PHYHIPL: variants seen among roughly 807,000 people sequenced by gnomAD.
PHYHIPL encodes the protein phytanoyl-CoA 2-hydroxylase interacting protein like, also known as phytanoyl-CoA hydroxylase-interacting protein-like.
Under a neutral mutation model 33.4 loss-of-function variants are expected in PHYHIPL, and 9 were observed. That is an observed-to-expected ratio of 0.27 (90% CI 0.16 to 0.47). PHYHIPL has a LOEUF of 0.47. Ranked by LOEUF, PHYHIPL falls within the 20% of genes least tolerant of loss-of-function variation. The pLI is 0.99. For synonymous variants in PHYHIPL, 153 were observed against 154.1 expected (o/e 0.99, Z 0.05); for missense variants, 365 against 460.7 (o/e 0.79, Z 1.90).
At chr10:59,243,541 T>A (rs1224451031) in intron 4 of PHYHIPL, among the ~76,000 whole-genome samples, 1 of 152,190 alleles carries the variant, frequency 6.6e-6, no homozygotes, top group Non-Finnish European at 1.5e-5. Context: ...GACAATTTTT[T>A]GGTCTTTCCT....
intron 1 of PHYHIPL, among the ~76,000 whole-genome samples, chr10:59,179,302 A>G (rs7089805): frequency 0.25 from 38,265 of 152,008 alleles, 6,966 homozygotes; most frequent in African/African-American, 0.51. Context: ...CTTTCTTTCC[A>G]CTCAAGTCTC....
At chr10:59,185,801 T>C (rs1838579268) in intron 1 of PHYHIPL, among the ~76,000 whole-genome samples, 1 of 152,230 alleles carries the variant, frequency 6.6e-6, no homozygotes, top group Non-Finnish European at 1.5e-5. Context: ...TGCCCACTTT[T>C]TGATGGGGTT....
chr10:59,175,802 T>C (rs1838237717), upstream of PHYHIPL, among the ~76,000 whole-genome samples: 1 of 152,224 alleles, frequency 6.6e-6, no homozygotes, highest in South Asian at 2.1e-4. Flanking sequence ...GTGCTGTTTA[T>C]ACTCCCTTCA....
chr10:59,238,884 A>T (rs779397130), intron 4 of PHYHIPL, 179 bp downstream of exon 4: 1 of 506,076 alleles, frequency 2.0e-6, no homozygotes, highest in South Asian at 2.4e-5. Context: ...ATTTTTTTCT[A>T]TTTCACTTAG....
At position 59,234,597 on chromosome 10, in the gene PHYHIPL, T is replaced by C. The variant is rs541983433; in HGVS notation, c.303+97T>C. The stretch of plus-strand genomic sequence containing the variant: ...CGAATAATATTCTATTAATGGCTTA[T>C]GTGATGTATTTGACTTGGGAAAAAA... On this transcript the variant is annotated intron_variant, in intron 2 of 4. Coordinates refer to ENST00000373880, the MANE Select transcript of PHYHIPL (RefSeq NM_032439.4). 102 of 798,288 alleles carry C rather than the reference T, an allele frequency of 1.3e-4. 1 individual carries two copies. The highest frequency in any genetic ancestry group is 1.7e-4 in the Non-Finnish European group (92 of 545,096). The allele number at this position is 798,288 out of a possible 1,614,324, so 49.5% of individuals were successfully genotyped here.
At chr10:59,200,489 G>A (rs556921026) in intron 1 of PHYHIPL, among the ~76,000 whole-genome samples, 1 of 152,170 alleles carries the variant, frequency 6.6e-6, no homozygotes. Context: ...TTGCATCGAC[G>A]TTCATCAGGG....
chr10:59,220,334 C>A (rs142306723), intron 1 of PHYHIPL, among the ~76,000 whole-genome samples: 84 of 152,146 alleles, frequency 5.5e-4, no homozygotes, highest in African/African-American at 1.9e-3. Flanking sequence ...CTGAGTGACA[C>A]AGGTAAGCCT....
intron 1 of PHYHIPL, among the ~76,000 whole-genome samples, chr10:59,187,549 C>T (rs1039523344): frequency 1.3e-5 from 2 of 152,130 alleles, no homozygotes; most frequent in Admixed American, 6.5e-5. Flanking sequence ...GGTACCAGCT[C>T]CTGCTTGTAC....
rs963275938 is a variant in PHYHIPL, at chr10:59,247,410, A to G, written c.*1819A>G. On this transcript the variant is annotated 3_prime_UTR_variant, in exon 5 of 5. Transcript: ENST00000373880. ...GGACACTGAATTTTTTCCCAATTAT[A>G]TGGCTACCTGTTGTATTCTTCCCCC... is the stretch of plus-strand genomic sequence containing the variant. 1.2e-5 allele frequency: 7 copies of G among 564,678 alleles called. No individual in the cohort carries two copies. The highest frequency in any genetic ancestry group is 1.1e-4 in the Admixed American group (3 of 27,288). 35.0% of individuals were successfully genotyped at this position (564,678 alleles called of 1,614,324 possible). A position where few individuals can be genotyped will look rare whatever the true frequency, so the allele number is the denominator to read the frequency against.
At chr10:59,226,950 C>T (rs547743994) in intron 1 of PHYHIPL, among the ~76,000 whole-genome samples, 26 of 152,056 alleles carry the variant, frequency 1.7e-4, no homozygotes, top group South Asian at 1.5e-3. Context: ...TTAAATACTC[C>T]TAATAAAAGG....
At chr10:59,200,591 TC>T (rs1434769464) in intron 1 of PHYHIPL, among the ~76,000 whole-genome samples, 1 of 152,126 alleles carries the variant, frequency 6.6e-6, no homozygotes. Flanking sequence ...TAGGGAGGAT[TC>T]CCCCTTTTTC....
At chr10:59,218,529 A>G (rs1839677455) in intron 1 of PHYHIPL, among the ~76,000 whole-genome samples, 1 of 152,158 alleles carries the variant, frequency 6.6e-6, no homozygotes, top group South Asian at 2.1e-4. Flanking sequence ...ACATGTACTG[A>G]TAGAGTGCCA....
At chr10:59,204,066 G>T (rs777607263) in intron 1 of PHYHIPL, among the ~76,000 whole-genome samples, 6 of 152,164 alleles carry the variant, frequency 3.9e-5, no homozygotes, top group Non-Finnish European at 8.8e-5. Context: ...TCCATGGGAA[G>T]TCTTTATGTA....
chr10:59,214,410 C>A (rs1362124603), intron 1 of PHYHIPL, among the ~76,000 whole-genome samples: 1 of 151,978 alleles, frequency 6.6e-6, no homozygotes, highest in Non-Finnish European at 1.5e-5. Context: ...GATTTGAAAA[C>A]ACAGCAATTA....
intron 4 of PHYHIPL, 28 bp from the exon 5 acceptor site, chr10:59,245,029 A>C: frequency 6.3e-7 from 1 of 1,576,888 alleles, no homozygotes; most frequent in South Asian, 1.2e-5. Flanking sequence ...TATTGTATTA[A>C]GCAGTGACCA....
At chr10:59,176,982 G>A (rs1242242821) in intron 1 of PHYHIPL, 23 bp downstream of exon 1, 7 of 1,604,898 alleles carry the variant, frequency 4.4e-6, no homozygotes, top group South Asian at 1.1e-5. Context: ...GGGACCGCGA[G>A]GAAAGGGACA....
At chr10:59,230,072 G>T (rs2133277196) in intron 1 of PHYHIPL, among the ~76,000 whole-genome samples, 1 of 152,208 alleles carries the variant, frequency 6.6e-6, no homozygotes, top group African/African-American at 2.4e-5. Flanking sequence ...TTGAAGGTAG[G>T]TGTAAAATGG....
intron 1 of PHYHIPL, among the ~76,000 whole-genome samples, chr10:59,192,094 C>T (rs1838798747): frequency 6.6e-6 from 1 of 152,030 alleles, no homozygotes; most frequent in Non-Finnish European, 1.5e-5. Context: ...ACACATGAAA[C>T]AGAGTTACAC....
intron 1 of PHYHIPL, among the ~76,000 whole-genome samples, chr10:59,194,002 T>C (rs1838844354): frequency 6.6e-6 from 1 of 151,896 alleles, no homozygotes; most frequent in Admixed American, 6.6e-5. Context: ...ACGTTCCAAA[T>C]TCCAAATACA....
Sources: allele counts gnomAD v4.1 joint callset (sites outside exome capture counted in the v4.1 genomes callset), GRCh38; gene constraint gnomAD v4.1.1; transcripts MANE v1.5; gene names NCBI Gene and HGNC (gene_info 2026-07-23, HGNC 2026-07-21).